Variants in ERC2 observed in about 807,000 individuals in gnomAD.
The protein encoded by ERC2 is ELKS/RAB6-interacting/CAST family member 2.
In ERC2, 42 loss-of-function variants were observed where a neutral mutation model predicts 114.8. The ratio of observed to expected loss-of-function variants is 0.37; its 90% CI spans 0.29 to 0.47. The LOEUF (loss-of-function observed/expected upper bound fraction) is 0.47. ERC2 is among the 20% of genes least tolerant of loss of function. ERC2 has a pLI of 0.99. For synonymous variants in ERC2, 454 were observed against 425.5 expected (o/e 1.07, Z -0.82); for missense variants, 939 against 1,150.7 (o/e 0.82, Z 2.66).
chr3:55,570,675 G>T (rs1413149091), intron 17 of ERC2, among the ~76,000 whole-genome samples: 1 of 152,114 alleles, frequency 6.6e-6, no homozygotes, highest in Non-Finnish European at 1.5e-5. Flanking sequence ...ATGTGATTAG[G>T]GTGGTCAAGG....
At chr3:56,039,004 G>T (rs2074977416) in intron 7 of ERC2, among the ~76,000 whole-genome samples, 1 of 152,148 alleles carries the variant, frequency 6.6e-6, no homozygotes, top group Non-Finnish European at 1.5e-5. Context: ...CTAGGTGATG[G>T]ATTGATAGGG....
intron 17 of ERC2, among the ~76,000 whole-genome samples, chr3:55,518,669 T>C (rs931677985): frequency 4.6e-5 from 7 of 152,222 alleles, no homozygotes; most frequent in African/African-American, 1.7e-4. Flanking sequence ...TGCATTCATT[T>C]AAGGCAATGA....
intron 2 of ERC2, among the ~76,000 whole-genome samples, chr3:56,302,855 G>C (rs1485739217): frequency 6.6e-6 from 1 of 152,328 alleles, no homozygotes. Context: ...CATCAGGACA[G>C]AGACCTTCCA....
chr3:56,398,576 T>A (rs1232925519), intron 2 of ERC2, among the ~76,000 whole-genome samples: 1 of 152,160 alleles, frequency 6.6e-6, no homozygotes, highest in Non-Finnish European at 1.5e-5. Flanking sequence ...ATGTCATATA[T>A]ACACATACAT....
At chr3:55,856,522 A>T (rs557654416) in intron 14 of ERC2, among the ~76,000 whole-genome samples, 2 of 152,116 alleles carry the variant, frequency 1.3e-5, no homozygotes, top group Non-Finnish European at 2.9e-5. Context: ...AAACATATAT[A>T]TACACACACA....
intron 1 of ERC2, among the ~76,000 whole-genome samples, chr3:56,438,368 A>C (rs2062125581): frequency 6.6e-6 from 1 of 152,110 alleles, no homozygotes; most frequent in South Asian, 2.1e-4. Flanking sequence ...CTTCCCTGCT[A>C]TATAAACCCT....
At chr3:56,343,167 TTCTC>T (rs1160068173) in intron 2 of ERC2, among the ~76,000 whole-genome samples, 24 of 135,346 alleles carry the variant, frequency 1.8e-4, no homozygotes, top group African/African-American at 5.5e-4. Flanking sequence ...CTCTCTCTCT[TTCTC>T]TCTCTCTCTC....
intron 17 of ERC2, among the ~76,000 whole-genome samples, chr3:55,533,526 C>T (rs1437322374): frequency 1.3e-5 from 2 of 152,158 alleles, no homozygotes; most frequent in South Asian, 2.1e-4. Context: ...ATCCAAACCC[C>T]GAGTCCACTC....
intron 6 of ERC2, among the ~76,000 whole-genome samples, chr3:56,112,412 T>G (rs1464498254): frequency 1.4e-5 from 2 of 140,604 alleles, no homozygotes; most frequent in African/African-American, 5.3e-5. Flanking sequence ...TAACAAACCT[T>G]GAGTGAGAAA....
intron 14 of ERC2, among the ~76,000 whole-genome samples, chr3:55,744,233 T>A (rs1559585250): frequency 6.6e-6 from 1 of 151,968 alleles, no homozygotes; most frequent in Non-Finnish European, 1.5e-5. Flanking sequence ...TGAAACCCCA[T>A]CTCTACTAAA....
chr3:55,531,959 T>A (rs2053693665), intron 17 of ERC2, among the ~76,000 whole-genome samples: 1 of 152,178 alleles, frequency 6.6e-6, no homozygotes, highest in Non-Finnish European at 1.5e-5. Flanking sequence ...GACTGGCAAA[T>A]AAAACTCAAG....
chr3:56,389,770 A>C (rs894774289), intron 2 of ERC2, among the ~76,000 whole-genome samples: 4 of 152,172 alleles, frequency 2.6e-5, no homozygotes, highest in African/African-American at 9.7e-5. Flanking sequence ...CAAGAAACCC[A>C]GGCTGAGAAC....
intron 14 of ERC2, among the ~76,000 whole-genome samples, chr3:55,748,603 G>T (rs1010593460): frequency 2.6e-5 from 4 of 152,146 alleles, no homozygotes; most frequent in Middle Eastern, 3.2e-3. Context: ...CAGCAATACC[G>T]TGCAAAGAAG....
In ERC2 at chr3:56,356,362, G is replaced by A. The variant is rs566734167; in HGVS notation, c.658-59927C>T. Among the ~76,000 whole-genome samples, 22 of 152,304 alleles carry A rather than the reference G, an allele frequency of 1.4e-4. No homozygotes were observed. The South Asian group carries it at 4.6e-3, about 32-fold the overall frequency. ...ACGAGGGCCTGGGGTAAAGTGGCCT[G>A]GGCTGAAGTTCATCTGAGCATTGGC... On this transcript the variant is annotated intron_variant, in intron 2 of 17. Transcript: ENST00000288221.
chr3:55,916,205 A>C (rs1416010810), intron 13 of ERC2, among the ~76,000 whole-genome samples: 1 of 152,182 alleles, frequency 6.6e-6, no homozygotes, highest in Non-Finnish European at 1.5e-5. Context: ...AGTGTACTTC[A>C]CAAAGCACCC....
At chr3:56,298,581 A>C (rs1211757470) in intron 2 of ERC2, among the ~76,000 whole-genome samples, 1 of 152,214 alleles carries the variant, frequency 6.6e-6, no homozygotes. Context: ...ATAAATCTGA[A>C]AACATTATGC....
intron 14 of ERC2, among the ~76,000 whole-genome samples, chr3:55,778,484 T>C (rs2068780734): frequency 6.6e-6 from 1 of 152,218 alleles, no homozygotes; most frequent in Admixed American, 6.5e-5. Flanking sequence ...GGGGAGGTCT[T>C]TTCAAAAGAC....
At chr3:56,069,700 AACC>A (rs1259733287) in intron 7 of ERC2, among the ~76,000 whole-genome samples, 2 of 152,192 alleles carry the variant, frequency 1.3e-5, no homozygotes, top group African/African-American at 2.4e-5. Context: ...GACTTTTATA[AACC>A]ATAATTGTAT....
intron 7 of ERC2, among the ~76,000 whole-genome samples, chr3:56,022,324 T>C (rs1280267360): frequency 6.6e-6 from 1 of 152,262 alleles, no homozygotes; most frequent in African/African-American, 2.4e-5. Context: ...CTCCTCTTCA[T>C]GCTTTTCTGC....
Sources: gnomAD v4.1 joint callset for allele counts (sites outside exome capture counted in the v4.1 genomes callset) on GRCh38, gnomAD v4.1.1 for gene constraint, MANE v1.5 for transcripts, NCBI Gene and HGNC (gene_info 2026-07-23, HGNC 2026-07-21) for gene names.